LY75: variants seen among roughly 807,000 people sequenced by gnomAD.
The protein encoded by LY75 is C-type lectin domain family 13 member B.
Under a neutral mutation model 231.7 loss-of-function variants are expected in LY75, and 185 were observed. The ratio of observed to expected loss-of-function variants is 0.80; its 90% CI spans 0.71 to 0.90. The LOEUF (loss-of-function observed/expected upper bound fraction) is 0.90. LY75 is among the 40% of genes least tolerant of loss of function. The pLI is 0.00. For missense variants in LY75, 1,947 were observed against 2,050.2 expected (o/e 0.95, Z 0.97); for synonymous variants, 668 against 689.0 (o/e 0.97, Z 0.48).
At chr2:159,842,464 TC>T in intron 23 of LY75, 90 bp from the exon 24 acceptor site, 1 of 1,410,578 alleles carries the variant, frequency 7.1e-7, no homozygotes, top group Non-Finnish European at 9.3e-7. Flanking sequence ...ATTGAATTTG[TC>T]CCCCTATAAA....
rs574942941 is a variant in LY75, at chr2:159,835,202, G to T, written c.3673+278C>A. On this transcript the variant is annotated intron_variant, in intron 26 of 34. Transcript: ENST00000263636. ...AAGCTTTCTACAACTATAAATATAT[G>T]CAGAAAGAGGTAGAGTAACAATGGG... Among the ~76,000 whole-genome samples, 63 of 152,218 alleles carry T rather than the reference G, an allele frequency of 4.1e-4. 1 individual carries two copies. Among genetic ancestry groups the T allele is most frequent in the African/African-American group, 1.2e-3 (51 of 41,534 alleles).
chr2:159,863,080 C>G (rs1439834493), intron 14 of LY75, among the ~76,000 whole-genome samples: 1 of 150,130 alleles, frequency 6.7e-6, no homozygotes, highest in African/African-American at 2.5e-5. Context: ...CTGTGCCTGG[C>G]TTCTTTCATT....
chr2:159,899,284 T>C (rs1448162520), intron 1 of LY75, among the ~76,000 whole-genome samples: 1 of 152,184 alleles, frequency 6.6e-6, no homozygotes, highest in African/African-American at 2.4e-5. Context: ...TGGGTCCATA[T>C]TTTGCTCCTG....
At chr2:159,849,928 A>G (rs374232159) in intron 23 of LY75, 52 bp downstream of exon 23, 65 of 1,571,674 alleles carry the variant, frequency 4.1e-5, no homozygotes, top group Non-Finnish European at 5.3e-5. Context: ...TGTATGAAAG[A>G]CTCAAGTATT....
At position 159,889,985 on chromosome 2, in the gene LY75, T is replaced by C. The variant is rs537516431; in HGVS notation, c.802+228A>G. On this transcript the variant is annotated intron_variant, in intron 4 of 34. Transcript: ENST00000263636. ...TTTAATCTTGCTACCCAACCTTGTT[T>C]TCTGAACATCAATCTCTCTTTAGTT... Among the ~76,000 whole-genome samples, 3 of 152,350 alleles carry C rather than the reference T, an allele frequency of 2.0e-5. No homozygotes were observed. In the South Asian group the frequency reaches 6.2e-4, roughly 32 times the overall value.
intron 28 of LY75, 50 bp downstream of exon 28, chr2:159,831,620 A>G: frequency 6.3e-7 from 1 of 1,580,126 alleles, no homozygotes; most frequent in Non-Finnish European, 8.6e-7. Flanking sequence ...TAATTATGTT[A>G]TAATGAAGTA....
intron 13 of LY75, chr2:159,872,010 G>A (rs1463326202): frequency 1.9e-5 from 3 of 154,270 alleles, no homozygotes; most frequent in African/African-American, 7.3e-5. Flanking sequence ...GTATATTCTG[G>A]TCTTAGTTCC....
chr2:159,854,827 G>C lies in LY75; in HGVS notation c.2419+77C>G, dbSNP rs558322740. Reference sequence around the variant, plus strand: ...TTGAAGATGTATAGAGAAGAAGCTGGCACTTAAATAATTAACTAAATGCAT... The same window carrying C: ...TTGAAGATGTATAGAGAAGAAGCTGCCACTTAAATAATTAACTAAATGCAT... On this transcript the variant is annotated intron_variant, in intron 17 of 34. Coordinates refer to ENST00000263636, the MANE Select transcript of LY75 (RefSeq NM_002349.4). 435 of 1,568,848 alleles carry C rather than the reference G, an allele frequency of 2.8e-4. 1 individual carries two copies. In the African/African-American group the frequency reaches 5.3e-3, roughly 19 times the overall value.
chr2:159,816,890 A>G lies in LY75; in HGVS notation c.4296T>C (p.Val1432=), dbSNP rs574022864. The change falls in exon 30 of 35, where the codon GTT becomes GTC. Residue 1432 remains valine (V), a synonymous_variant. Transcript: ENST00000263636. ...CSQSGGHLAS[V]HNQNGQLFLE... ...GAAAGAGCTGGCCATTTTGGTTGTGAACGCTTGCCAAGTGACCTCCACTTT... is the reference window on the plus strand; with the variant it reads ...GAAAGAGCTGGCCATTTTGGTTGTGGACGCTTGCCAAGTGACCTCCACTTT... 13 of 1,614,214 alleles carry G rather than the reference A, an allele frequency of 8.1e-6. No homozygotes were observed. The East Asian group carries it at 2.9e-4, about 36-fold the overall frequency.
chr2:159,877,657 G>C (rs1456106469), intron 11 of LY75, among the ~76,000 whole-genome samples: 2 of 152,072 alleles, frequency 1.3e-5, no homozygotes, highest in Non-Finnish European at 2.9e-5. Flanking sequence ...ATTACTTGGG[G>C]TCAGGAGATC....
chr2:159,866,281 TTTC>T (rs1684855186), intron 13 of LY75, among the ~76,000 whole-genome samples: 1 of 152,184 alleles, frequency 6.6e-6, no homozygotes. Context: ...TTTAAACTGA[TTTC>T]TTATTTTTTA....
rs1017166615 is a variant in LY75, at chr2:159,874,109, G to A, written c.1974+1335C>T. 5.3e-5 allele frequency among the ~76,000 whole-genome samples: 4 copies of A among 76,110 alleles called. 1 individual carries two copies. Among genetic ancestry groups the A allele is most frequent in the East Asian group, 4.4e-4 (1 of 2,262 alleles). The allele number at this position is 76,110 out of a possible 152,430, so 49.9% of individuals were successfully genotyped here. On this transcript the variant is annotated intron_variant, in intron 12 of 34. Coordinates refer to ENST00000263636, the MANE Select transcript of LY75 (RefSeq NM_002349.4). ...GTATATATTTTGTAAATATATAAAC[G>A]TATATATATTTTGTAAATATATAAA...
chr2:159,858,327 T>A, intron 16 of LY75, 35 bp downstream of exon 16: 3 of 1,605,810 alleles, frequency 1.9e-6, no homozygotes, highest in African/African-American at 1.3e-5. Context: ...AATGTTAACA[T>A]GAGAAGGTTG....
intron 12 of LY75, among the ~76,000 whole-genome samples, chr2:159,874,048 C>CATATAAACGTATATATTTTGTAAAAAT (rs1157592349): frequency 3.3e-4 from 19 of 56,988 alleles, no homozygotes; most frequent in African/African-American, 7.0e-4. Context: ...TGTAAAAATA[C>CATATAAACGTATATATTTTGTAAAAAT]ATATAAACGT....
chr2:159,879,503 A>T (rs1685373300), intron 8 of LY75, 134 bp from the exon 9 acceptor site: 2 of 1,312,124 alleles, frequency 1.5e-6, no homozygotes, highest in Non-Finnish European at 2.1e-6. Flanking sequence ...GTGAGAACAC[A>T]CTCCTAGAAA....
chr2:159,885,129 T>C, intron 6 of LY75, 24 bp downstream of exon 6: 1 of 1,606,252 alleles, frequency 6.2e-7, no homozygotes, highest in Non-Finnish European at 8.5e-7. Context: ...TTTGTCTATT[T>C]GTATGAGTAT....
intron 8 of LY75, among the ~76,000 whole-genome samples, chr2:159,880,812 A>C (rs1194444249): frequency 6.6e-6 from 1 of 152,170 alleles, no homozygotes; most frequent in African/African-American, 2.4e-5. Context: ...TGTGCAGTTC[A>C]TAATAGGGTT....
chr2:159,891,178 A>G (rs189245479), intron 3 of LY75, among the ~76,000 whole-genome samples: 215 of 152,302 alleles, frequency 1.4e-3, no homozygotes, highest in African/African-American at 5.0e-3. Flanking sequence ...TCCTATAGCC[A>G]GTTACATATC....
chr2:159,830,907 T>TCATA (rs1389588626), intron 28 of LY75, among the ~76,000 whole-genome samples: 1 of 152,176 alleles, frequency 6.6e-6, no homozygotes, highest in Non-Finnish European at 1.5e-5. Context: ...CTAATGCTTA[T>TCATA]CATATGTGGG....
Sources: allele counts gnomAD v4.1 joint callset (sites outside exome capture counted in the v4.1 genomes callset), GRCh38; gene constraint gnomAD v4.1.1; transcripts MANE v1.5; gene names NCBI Gene and HGNC (gene_info 2026-07-23, HGNC 2026-07-21).